MCFD2: variants seen among roughly 807,000 people sequenced by gnomAD.
The protein encoded by MCFD2 is multiple coagulation factor deficiency protein 2.
In MCFD2, 11 loss-of-function variants were observed where a neutral mutation model predicts 12.8. The ratio of observed to expected loss-of-function variants is 0.86; its 90% confidence interval spans 0.54 to 1.42. The LOEUF is 1.42. Among genes scored for constraint, MCFD2 ranks in the 40% most tolerant of loss-of-function variants. MCFD2 has a pLI of 0.00. For synonymous variants in MCFD2, 70 were observed against 68.1 expected (o/e 1.03, Z -0.14); for missense variants, 191 against 178.6 (o/e 1.07, Z -0.40).
chr2:46,919,050 C>A (rs929647559), upstream of MCFD2, among the ~76,000 whole-genome samples: 7 of 152,168 alleles, frequency 4.6e-5, no homozygotes, highest in Non-Finnish European at 1.0e-4. Flanking sequence ...CTCTAGGTGG[C>A]ATCTCTTTCC....
Position 46,902,407 on chromosome 2 carries a change from A to G in MCFD2, c.*3056T>C, listed in dbSNP as rs980625623. ...TTACCCCTGCTGATAAAGTCCTGAC[A>G]TTCCTAATAGTTCCTAAACTGCAAA... On this transcript the variant is annotated 3_prime_UTR_variant, in exon 4 of 4. Transcript: ENST00000319466. 3 of 152,666 alleles carry G rather than the reference A, an allele frequency of 2.0e-5. No individual in the cohort carries two copies. The highest frequency in any genetic ancestry group is 7.2e-5 in the African/African-American group (3 of 41,456). The allele number at this position is 152,666 out of a possible 1,614,324, so 9.5% of individuals were successfully genotyped here.
rs982338184 is a variant in MCFD2 at position 46,941,409 on chromosome 2, C to A, written c.-8+163G>T. 4 of 844,112 alleles carry A rather than the reference C, an allele frequency of 4.7e-6. No homozygotes were observed. Among genetic ancestry groups the A allele is most frequent in the Non-Finnish European group, 6.1e-6 (4 of 659,136 alleles). 52.3% of individuals were successfully genotyped at this position (844,112 alleles called of 1,614,324 possible). On this transcript the variant is annotated intron_variant, in intron 1 of 2. Transcript: ENST00000409147. The surrounding 1 kb of genome is among the most constrained non-coding windows in gnomAD (Gnocchi z 4.2). ...GCCCACCCTCCGCCGCCCGGGCCCC[C>A]GCTGCCGCCCGGGCCCCGGCTGCCG...
chr2:46,909,229 TC>T lies in MCFD2; in HGVS notation c.-6-53del. On this transcript the variant is annotated intron_variant, in intron 1 of 3. Coordinates refer to ENST00000319466, the MANE Select transcript of MCFD2 (RefSeq NM_139279.6). Reference sequence around the variant, plus strand: ...AAGGCAGAGCATCAGAGCAAAGGTTTCGTTCAGGGCTTGACATGGTATGATC... The same window carrying T: ...AAGGCAGAGCATCAGAGCAAAGGTTTGTTCAGGGCTTGACATGGTATGATC... 1.9e-6 allele frequency: 3 copies of T among 1,572,950 alleles called. No individual in the cohort carries two copies. The East Asian group carries it at 7.0e-5, about 36-fold the overall frequency.
chr2:46,911,843 A>G (rs576675962), intron 1 of MCFD2, among the ~76,000 whole-genome samples: 2 of 150,674 alleles, frequency 1.3e-5, no homozygotes, highest in East Asian at 4.0e-4. Flanking sequence ...GGAGAATGGC[A>G]TGAACCCGGA....
chr2:46,918,028 A>C (rs73926961), upstream of MCFD2, among the ~76,000 whole-genome samples: 1,794 of 152,314 alleles, frequency 0.012, 41 homozygotes, highest in African/African-American at 0.04. Context: ...ACCATTTATA[A>C]ATAGATGACT....
Position 46,940,551 on chromosome 2 carries a change from A to G in MCFD2, c.-8+1021T>C, listed in dbSNP as rs1051662408. Among the ~76,000 whole-genome samples, 2 of 152,262 alleles carry G rather than the reference A, an allele frequency of 1.3e-5. No individual in the cohort carries two copies. Among genetic ancestry groups the G allele is most frequent in the Non-Finnish European group, 2.9e-5 (2 of 68,048 alleles). ...CATAGAGCTTTGATCACAGTCTTAG[A>G]CCAGCATGAAGAAATAAATAAATAC... On this transcript the variant is annotated intron_variant, in intron 1 of 2. Transcript: ENST00000409147. The surrounding 1 kb of genome is among the most constrained non-coding windows in gnomAD (Gnocchi z 4.7).
chr2:46,911,895 T>C (rs560386700), intron 1 of MCFD2, among the ~76,000 whole-genome samples: 1 of 152,210 alleles, frequency 6.6e-6, no homozygotes, highest in South Asian at 2.1e-4. Context: ...CCATTTTTTA[T>C]GAATATGTAT....
intron 1 of MCFD2, among the ~76,000 whole-genome samples, chr2:46,938,410 T>A (rs73926980): frequency 0.058 from 8,870 of 152,192 alleles, 322 homozygotes; most frequent in African/African-American, 0.093. Flanking sequence ...CAACTTCCCT[T>A]TGCCACAGCC....
At chr2:46,920,392 C>T (rs1050028437), upstream of MCFD2, among the ~76,000 whole-genome samples, 50 of 151,990 alleles carry the variant, frequency 3.3e-4, no homozygotes, top group African/African-American at 1.1e-3. Context: ...TACAGTGGCA[C>T]GATCTTAGCT....
At chr2:46,939,971 C>T (rs1670198757) in intron 1 of MCFD2, among the ~76,000 whole-genome samples, 2 of 152,132 alleles carry the variant, frequency 1.3e-5, no homozygotes, top group Admixed American at 1.3e-4. Flanking sequence ...CAGAGCAGCA[C>T]CCACCGTTAG....
Position 46,941,840 on chromosome 2 carries a change from T to C in MCFD2, c.-276A>G, listed in dbSNP as rs1670431972. The C allele has an allele frequency of 1.5e-6, 2 of 1,372,346 alleles. No homozygotes were observed. The highest frequency in any genetic ancestry group is 4.3e-5 in the Admixed American group (2 of 46,588). 85.0% of individuals were successfully genotyped at this position (1,372,346 alleles called of 1,614,324 possible). A position where few individuals can be genotyped will look rare whatever the true frequency, so the allele number is the denominator to read the frequency against. ...ACAGCGGGCGCCTGCCAGCCCACCG[T>C]GCTAGTCTTAAGAGCAGCCAGGGCA... is the stretch of plus-strand genomic sequence containing the variant. On this transcript the variant is annotated 5_prime_UTR_variant, in exon 1 of 3. Transcript: ENST00000409147. This position sits in a 1 kb window ranked among gnomAD's most constrained non-coding sequence, Gnocchi z 4.2.
intron 1 of MCFD2, among the ~76,000 whole-genome samples, chr2:46,923,499 G>T (rs1427428425): frequency 2.0e-5 from 3 of 152,194 alleles, no homozygotes; most frequent in African/African-American, 7.2e-5. Flanking sequence ...ATCACAGAAG[G>T]TATAGGCCTT....
At chr2:46,923,987 C>T (rs1401439766) in intron 1 of MCFD2, among the ~76,000 whole-genome samples, 1 of 151,902 alleles carries the variant, frequency 6.6e-6, no homozygotes, top group African/African-American at 2.4e-5. Context: ...CCACCCGCCT[C>T]GGCCTCCCAA....
intron 3 of MCFD2, chr2:46,905,965 C>T (rs1558460471): frequency 4.2e-6 from 2 of 475,294 alleles, no homozygotes; most frequent in East Asian, 6.8e-5. Flanking sequence ...TGAGGGTCAG[C>T]TCTGTGCACA....
chr2:46,930,719 C>G (rs1471154835), intron 1 of MCFD2, among the ~76,000 whole-genome samples: 1 of 152,014 alleles, frequency 6.6e-6, no homozygotes, highest in East Asian at 1.9e-4. Flanking sequence ...AAGCTGGTCT[C>G]GAACTCCTGA....
At chr2:46,927,939 G>A (rs551855153) in intron 1 of MCFD2, among the ~76,000 whole-genome samples, 1 of 136,996 alleles carries the variant, frequency 7.3e-6, no homozygotes, top group East Asian at 2.1e-4. Flanking sequence ...TGTCACCCAG[G>A]CTGGAGTATA....
upstream of MCFD2, among the ~76,000 whole-genome samples, chr2:46,918,611 G>T (rs536017070): frequency 1.1e-4 from 17 of 152,348 alleles, no homozygotes; most frequent in African/African-American, 4.1e-4. Context: ...CTAACTGGAG[G>T]TTAAGGTAGC....
rs1332319307 is a variant in MCFD2, at chr2:46,937,117, A to G, written c.-8+4455T>C. 6.6e-6 allele frequency among the ~76,000 whole-genome samples: 1 copy of G among 152,084 alleles called. No individual in the cohort carries two copies. The highest frequency in any genetic ancestry group is 1.9e-4 in the East Asian group (1 of 5,192). ...GTGATCTGCCCACCTTGGCCTCCCA[A>G]AGTGCTAGGATTACAGGAGTGAGCC... On this transcript the variant is annotated intron_variant, in intron 1 of 2. Coordinates refer to the MCFD2 transcript ENST00000409147. The surrounding 1 kb of genome is among the most constrained non-coding windows in gnomAD (Gnocchi z 4.0).
chr2:46,914,891 G>A (rs1235858762), intron 1 of MCFD2, among the ~76,000 whole-genome samples: 2 of 152,206 alleles, frequency 1.3e-5, no homozygotes, highest in African/African-American at 4.8e-5. Flanking sequence ...CAGTACAGTC[G>A]AGACAAATGA....
Sources: gnomAD v4.1 joint callset for allele counts (sites outside exome capture counted in the v4.1 genomes callset) on GRCh38, gnomAD v4.1.1 for gene constraint, Gnocchi (gnomAD v3.1) non-coding constraint, MANE v1.5 for transcripts, NCBI Gene and HGNC (gene_info 2026-07-23, HGNC 2026-07-21) for gene names.